PRAMEF9: variants seen among roughly 807,000 people sequenced by gnomAD.
The protein encoded by PRAMEF9 is PRAME family member 9/15.
PRAMEF9 carries 1 observed loss-of-function variant against 10.9 expected under a neutral mutation model. That is an observed-to-expected ratio of 0.09 (90% CI 0.03 to 0.44). PRAMEF9 has a LOEUF of 0.44. Ranked by LOEUF, PRAMEF9 falls within the 20% of genes least tolerant of loss-of-function variation. The pLI is 0.97. For synonymous variants in PRAMEF9, 40 were observed against 148.3 expected (o/e 0.27, Z 5.31); for missense variants, 126 against 379.8 (o/e 0.33, Z 5.55).
At chr1:13,175,185 AG>A in intron 1 of PRAMEF9, 79 bp from the exon 2 acceptor site, 2 of 1,355,836 alleles carry the variant, frequency 1.5e-6, no homozygotes, top group Non-Finnish European at 2.1e-6. Context: ...CAGAGCAGTG[AG>A]TTTGGCCATA....
rs1638320204 is a variant in PRAMEF9, at chr1:13,171,919, G to T, written c.-630G>T. On this transcript the variant is annotated 5_prime_UTR_variant, in exon 1 of 4. In the 5' UTR this introduces an upstream ATG that the reference lacks. Transcript: ENST00000415919. ...TTTTTTAAATCTAGCCTATTTCCCA[G>T]GCTGGAGTTCAGTGGTGTATTGTCA... 7.3e-6 allele frequency: 1 copy of T among 136,354 alleles called. No homozygotes were observed. The highest frequency in any genetic ancestry group is 1.6e-5 in the Non-Finnish European group (1 of 61,014). The allele number at this position is 136,354 out of a possible 1,614,324, so 8.4% of individuals were successfully genotyped here.
rs1161135169 is a variant in PRAMEF9, at chr1:13,171,878, CTTTTTTTTT to C, written c.-658_-650del. ...TTCTCTCTCTCTCTTTTTTCTTTTT[CTTTTTTTTT>C]TTTTTTTTTTTTAAATCTAGCCTAT... On this transcript the variant is annotated 5_prime_UTR_variant, in exon 1 of 4. Coordinates refer to ENST00000415919, the MANE Select transcript of PRAMEF9 (RefSeq NM_001010890.3). 8.1e-6 allele frequency: 1 copy of C among 123,772 alleles called. No individual in the cohort carries two copies. The highest frequency in any genetic ancestry group is 3.0e-4 in the East Asian group (1 of 3,300). 7.7% of individuals were successfully genotyped at this position (123,772 alleles called of 1,614,324 possible). A position where few individuals can be genotyped will look rare whatever the true frequency, so the allele number is the denominator to read the frequency against.
rs1340970612 is a variant in PRAMEF9, at chr1:13,173,282, A to G, written c.-17+750A>G. The stretch of plus-strand genomic sequence containing the variant: ...CACTGCTGTACTCCAGCCTGGGCAA[A>G]AGAGAGACACTCTGTCCAAAAACAA... On this transcript the variant is annotated intron_variant, in intron 1 of 3. Transcript: ENST00000415919. 4 of 55,740 alleles carry G rather than the reference A, an allele frequency of 7.2e-5. 2 individuals carry two copies. Among genetic ancestry groups the G allele is most frequent in the African/African-American group, 1.7e-4 (4 of 23,930 alleles). 3.5% of individuals were successfully genotyped at this position (55,740 alleles called of 1,614,324 possible). A position where few individuals can be genotyped will look rare whatever the true frequency, so the allele number is the denominator to read the frequency against.
rs1638330256 is a variant in PRAMEF9 at position 13,172,190 on chromosome 1, C to G, written c.-359C>G. 1 of 144,650 alleles carries G rather than the reference C, an allele frequency of 6.9e-6. No individual in the cohort carries two copies. Among genetic ancestry groups the G allele is most frequent in the African/African-American group, 2.4e-5 (1 of 41,036 alleles). The allele number at this position is 144,650 out of a possible 1,614,324, so 9.0% of individuals were successfully genotyped here. A position where few individuals can be genotyped will look rare whatever the true frequency, so the allele number is the denominator to read the frequency against. ...TCGTCTGGCCTTGAATGAATGTATT[C>G]TTGACTTCTACCCTATCCCTAACAC... On this transcript the variant is annotated 5_prime_UTR_variant, in exon 1 of 4. Coordinates refer to ENST00000415919, the MANE Select transcript of PRAMEF9 (RefSeq NM_001010890.3).
Position 13,175,291 on chromosome 1 carries a change from G to A in PRAMEF9, c.11G>A (p.Ser4Asn). The A allele has an allele frequency of 1.8e-6, 2 of 1,138,868 alleles. No homozygotes were observed. Among genetic ancestry groups the A allele is most frequent in the Non-Finnish European group, 1.3e-6 (1 of 792,454 alleles). 70.5% of individuals were successfully genotyped at this position (1,138,868 alleles called of 1,614,324 possible). MKMSIRTPPRLLEL... is the reference protein window; with the variant it reads MKMNIRTPPRLLEL... The stretch of plus-strand genomic sequence containing the variant: ...TTTCCCTGCAGATTCATGAAGATGA[G>A]CATCCGGACTCCACCCAGACTCCTG... Residue 4 changes from serine (S) to asparagine (N), a missense_variant, in exon 2 of 4, where the codon AGC becomes AAC. Coordinates refer to ENST00000415919, the MANE Select transcript of PRAMEF9 (RefSeq NM_001010890.3).
In PRAMEF9 at chr1:13,171,864, T is replaced by C. The variant is rs1638318189; in HGVS notation, c.-685T>C. 1.6e-5 allele frequency: 2 copies of C among 126,228 alleles called. No homozygotes were observed. Among genetic ancestry groups the C allele is most frequent in the African/African-American group, 2.5e-5 (1 of 39,358 alleles). 7.8% of individuals were successfully genotyped at this position (126,228 alleles called of 1,614,324 possible). A position where few individuals can be genotyped will look rare whatever the true frequency, so the allele number is the denominator to read the frequency against. Reference sequence around the variant, plus strand: ...GGAATCAAATGTAGTTCTCTCTCTCTCTTTTTTCTTTTTCTTTTTTTTTTT... The same window carrying C: ...GGAATCAAATGTAGTTCTCTCTCTCCCTTTTTTCTTTTTCTTTTTTTTTTT... On this transcript the variant is annotated 5_prime_UTR_variant, in exon 1 of 4. Transcript: ENST00000415919.
At chr1:13,175,074 T>C (rs1287336992) in intron 1 of PRAMEF9, 191 bp from the exon 2 acceptor site, 2 of 632,892 alleles carry the variant, frequency 3.2e-6, no homozygotes, top group Non-Finnish European at 5.4e-6. Flanking sequence ...CCTCACTGCT[T>C]CGGAGACGCT....
chr1:13,172,550 G>C lies in PRAMEF9; in HGVS notation c.-17+18G>C, dbSNP rs1201379964. ...CAGATCTGGTAAGTCACTAATTTCT[G>C]TAAGGACACTCCCATCTGACCTACA... On this transcript the variant is annotated intron_variant, in intron 1 of 3. Coordinates refer to ENST00000415919, the MANE Select transcript of PRAMEF9 (RefSeq NM_001010890.3). 4 of 140,368 alleles carry C rather than the reference G, an allele frequency of 2.8e-5. No individual in the cohort carries two copies. The highest frequency in any genetic ancestry group is 7.4e-5 in the African/African-American group (3 of 40,672). 8.7% of individuals were successfully genotyped at this position (140,368 alleles called of 1,614,324 possible).
rs1638336513 is a variant in PRAMEF9, at chr1:13,172,510, C to T, written c.-39C>T. 7.1e-6 allele frequency: 1 copy of T among 141,350 alleles called. No homozygotes were observed. The highest frequency in any genetic ancestry group is 2.5e-5 in the African/African-American group (1 of 40,730). 8.8% of individuals were successfully genotyped at this position (141,350 alleles called of 1,614,324 possible). A position where few individuals can be genotyped will look rare whatever the true frequency, so the allele number is the denominator to read the frequency against. ...TTGGTTCTTCCTGAGGTCTGAGCAC[C>T]TTCTAAACTACATCCAGATCTGGTA... On this transcript the variant is annotated 5_prime_UTR_variant, in exon 1 of 4. Transcript: ENST00000415919.
Position 13,172,328 on chromosome 1 carries a change from G to A in PRAMEF9, c.-221G>A, listed in dbSNP as rs1243979831. ...ACCCAATCAGGATTACCTGGGTGGA[G>A]TGGAGCTTCACAAATGCAATCAGAT... is the stretch of plus-strand genomic sequence containing the variant. On this transcript the variant is annotated 5_prime_UTR_variant, in exon 1 of 4. The change creates a new upstream start codon in the 5' untranslated region. Coordinates refer to ENST00000415919, the MANE Select transcript of PRAMEF9 (RefSeq NM_001010890.3). 5.5e-5 allele frequency: 1 copy of A among 18,326 alleles called. No homozygotes were observed. Among genetic ancestry groups the A allele is most frequent in the African/African-American group, 2.4e-4 (1 of 4,190 alleles). 1.1% of individuals were successfully genotyped at this position (18,326 alleles called of 1,614,324 possible).
Position 13,179,179 on chromosome 1 carries a change from C to A in PRAMEF9, c.*47C>A. The A allele has an allele frequency of 7.0e-7, 1 of 1,424,482 alleles. No individual in the cohort carries two copies. Among genetic ancestry groups the A allele is most frequent in the East Asian group, 2.4e-5 (1 of 41,230 alleles). 88.2% of individuals were successfully genotyped at this position (1,424,482 alleles called of 1,614,324 possible). A position where few individuals can be genotyped will look rare whatever the true frequency, so the allele number is the denominator to read the frequency against. ...TATGTCAAACGCTTTCTTCTGGACACTTGGAAACTAAAACCTAGGTCTTAG... is the reference window on the plus strand; with the variant it reads ...TATGTCAAACGCTTTCTTCTGGACAATTGGAAACTAAAACCTAGGTCTTAG... On this transcript the variant is annotated 3_prime_UTR_variant, in exon 4 of 4. Coordinates refer to ENST00000415919, the MANE Select transcript of PRAMEF9 (RefSeq NM_001010890.3).
At position 13,172,156 on chromosome 1, in the gene PRAMEF9, T is replaced by G. The variant is rs1638329135; in HGVS notation, c.-393T>G. The G allele has an allele frequency of 6.9e-6, 1 of 144,632 alleles. No individual in the cohort carries two copies. The highest frequency in any genetic ancestry group is 2.4e-5 in the African/African-American group (1 of 41,036). The allele number at this position is 144,632 out of a possible 1,614,324, so 9.0% of individuals were successfully genotyped here. ...TCCCACAGTGCTGGGATTACAGGTG[T>G]GAGCCACTTCGTCTGGCCTTGAATG... On this transcript the variant is annotated 5_prime_UTR_variant, in exon 1 of 4. Coordinates refer to ENST00000415919, the MANE Select transcript of PRAMEF9 (RefSeq NM_001010890.3).
chr1:13,175,050 T>C (rs1638359963), intron 1 of PRAMEF9: 5 of 569,354 alleles, frequency 8.8e-6, no homozygotes, highest in Non-Finnish European at 1.5e-5. Context: ...GAAGGGCTCG[T>C]GGTGACCCTG....
In PRAMEF9 at chr1:13,178,997, T is replaced by G. The variant is rs782561302; in HGVS notation, c.1302T>G (p.Ala434=). 6.5e-7 allele frequency: 1 copy of G among 1,541,198 alleles called. No individual in the cohort carries two copies. The highest frequency in any genetic ancestry group is 1.1e-5 in the South Asian group (1 of 89,084). Residue 434 remains alanine (A), a synonymous_variant, in exon 4 of 4, where the codon GCT becomes GCG. Transcript: ENST00000415919. The stretch of plus-strand genomic sequence containing the variant: ...GTACTCTCTGCTGGAGCAGATTTGC[T>G]CAAATTAGGGCTGAGCTGATGAACA... ...ADGTLCWSRF[A]QIRAELMNRV... is the part of the protein sequence containing the mutation.
chr1:13,172,941 C>T (rs1449335280), intron 1 of PRAMEF9: 2 of 135,250 alleles, frequency 1.5e-5, no homozygotes, highest in Non-Finnish European at 3.4e-5. Flanking sequence ...GGCACGATCT[C>T]AACTCCCTGC....
intron 1 of PRAMEF9, 78 bp from the exon 2 acceptor site, chr1:13,175,187 T>C: frequency 1.5e-6 from 2 of 1,372,022 alleles, no homozygotes; most frequent in Non-Finnish European, 2.0e-6. Context: ...GAGCAGTGAG[T>C]TTGGCCATAG....
rs1638330910 is a variant in PRAMEF9, at chr1:13,172,223, T to A, written c.-326T>A. The A allele has an allele frequency of 6.9e-6, 1 of 144,772 alleles. No homozygotes were observed. Among genetic ancestry groups the A allele is most frequent in the Non-Finnish European group, 1.6e-5 (1 of 64,012 alleles). 9.0% of individuals were successfully genotyped at this position (144,772 alleles called of 1,614,324 possible). A position where few individuals can be genotyped will look rare whatever the true frequency, so the allele number is the denominator to read the frequency against. On this transcript the variant is annotated 5_prime_UTR_variant, in exon 1 of 4. Coordinates refer to ENST00000415919, the MANE Select transcript of PRAMEF9 (RefSeq NM_001010890.3). Reference sequence around the variant, plus strand: ...CTACCCTATCCCTAACACTGTCAATTTCTTGCTTCGTGAAGTGAATATAGA... The same window carrying A: ...CTACCCTATCCCTAACACTGTCAATATCTTGCTTCGTGAAGTGAATATAGA...
At position 13,178,947 on chromosome 1, in the gene PRAMEF9, C is replaced by T. The variant is rs782522645; in HGVS notation, c.1252C>T (p.Pro418Ser). ...KNLCVEVYPAPRESYGADGTL... is the reference protein window; with the variant it reads ...KNLCVEVYPASRESYGADGTL... ...CTTATGCGTGGAGGTGTATCCTGCC[C>T]CGCGGGAGAGTTATGGTGCTGATGG... Residue 418 changes from proline (P) to serine (S), a missense_variant, in exon 4 of 4, where the codon CCG (proline) becomes TCG (serine). Coordinates refer to ENST00000415919, the MANE Select transcript of PRAMEF9 (RefSeq NM_001010890.3). The T allele has an allele frequency of 2.0e-6, 3 of 1,534,678 alleles. No individual in the cohort carries two copies. The highest frequency in any genetic ancestry group is 3.5e-5 in the Admixed American group (2 of 57,242).
intron 1 of PRAMEF9, 106 bp downstream of exon 1, chr1:13,172,638 T>C: frequency 7.3e-6 from 1 of 136,182 alleles, no homozygotes; most frequent in African/African-American, 2.5e-5. Context: ...TCCTGTCCTT[T>C]TTTATATATA....
Sources: allele counts gnomAD v4.1 joint callset, GRCh38; gene constraint gnomAD v4.1.1; transcripts MANE v1.5; gene names NCBI Gene and HGNC (gene_info 2026-07-23, HGNC 2026-07-21).